The following ROCK2 variants were observed in gnomAD, a reference collection of about 807,000 sequenced individuals.
The protein encoded by ROCK2 is rho-associated protein kinase 2.
A neutral mutation model predicts 195.1 loss-of-function variants in ROCK2; 61 were observed. That is an observed-to-expected ratio of 0.31 (90% confidence interval 0.25 to 0.39). The LOEUF is 0.39. Among genes scored for constraint, ROCK2 ranks in the 10% least tolerant of loss-of-function variants. ROCK2 has a pLI of 1.00. For synonymous variants in ROCK2, 504 were observed against 545.5 expected, an observed-to-expected ratio of 0.92 and a Z score of 1.06; for missense variants, 1,109 against 1,637.4, an observed-to-expected ratio of 0.68 and a Z score of 5.57.
intron 1 of ROCK2, among the ~76,000 whole-genome samples, chr2:11,319,612 C>T (rs1051828674): frequency 3.3e-5 from 5 of 152,086 alleles, no homozygotes; most frequent in African/African-American, 4.8e-5. Context: ...TGCCTGATTG[C>T]CCTGGCCAGA....
rs767849333 is a variant in ROCK2 at position 11,180,267 on chromosome 2, T to G, written c.*3170A>C. 2 of 152,226 alleles carry G rather than the reference T, an allele frequency of 1.3e-5. No individual in the cohort carries two copies. The highest frequency in any genetic ancestry group is 6.5e-5 in the Admixed American group (1 of 15,284). The allele number at this position is 152,226 out of a possible 1,614,324, so 9.4% of individuals were successfully genotyped here. On this transcript the variant is annotated 3_prime_UTR_variant, in exon 33 of 33. Coordinates refer to ENST00000315872, the MANE Select transcript of ROCK2 (RefSeq NM_004850.5). ...CTAGAAGAGAGTAACAGCAGCAGCA[T>G]AACTTCTTAAAACTGTGGTGTGGCA...
At position 11,193,861 on chromosome 2, in the gene ROCK2, T is replaced by C; in HGVS notation, c.3609-4A>G. On this transcript the variant is annotated splice_polypyrimidine_tract_variant and splice_region_variant and intron_variant, in intron 29 of 32. Coordinates refer to ENST00000315872, the MANE Select transcript of ROCK2 (RefSeq NM_004850.5). The stretch of plus-strand genomic sequence containing the variant: ...TGGTCGGACATGAAATAACTTGCTA[T>C]AAAAAATTTTGAATAAAGGAATAAA... The C allele has an allele frequency of 6.4e-7, 1 of 1,564,398 alleles. No individual in the cohort carries two copies. Among genetic ancestry groups the C allele is most frequent in the Non-Finnish European group, 8.8e-7 (1 of 1,141,446 alleles).
chr2:11,223,749 A>T (rs978640070), intron 7 of ROCK2, among the ~76,000 whole-genome samples: 2 of 152,202 alleles, frequency 1.3e-5, no homozygotes, highest in East Asian at 3.9e-4. Flanking sequence ...AAAAAAATGG[A>T]ATGGGGTGAA....
In ROCK2 at chr2:11,211,687, T is replaced by C. The variant is rs1664252625; in HGVS notation, c.2197A>G (p.Met733Val). ...ESIEEAKSEAMKEMEKKLLEE... is the reference protein window; with the variant it reads ...ESIEEAKSEAVKEMEKKLLEE... ...CTCTTTAAAAAATGCATACCTTTCA[T>C]GGCTTCTGATTTGGCTTCTTCGATG... Residue 733 changes from methionine to valine, a missense_variant, in exon 18 of 33, where the codon ATG becomes GTG. This residue lies in a region of ROCK2 where 542 missense variants were observed against 672.0 expected (regional missense o/e 0.81). Transcript: ENST00000315872. 1.2e-6 allele frequency: 2 copies of C among 1,602,586 alleles called. No individual in the cohort carries two copies. Among genetic ancestry groups the C allele is most frequent in the Non-Finnish European group, 1.7e-6 (2 of 1,175,518 alleles).
At chr2:11,286,801 T>G (rs549176192) in intron 2 of ROCK2, among the ~76,000 whole-genome samples, 162 bp from the exon 3 acceptor site, 2 of 152,228 alleles carry the variant, frequency 1.3e-5, no homozygotes, top group Non-Finnish European at 2.9e-5. Flanking sequence ...ACATTAACGT[T>G]AAAGAACCAA....
At chr2:11,298,956 A>G (rs1667621271) in intron 1 of ROCK2, among the ~76,000 whole-genome samples, 1 of 152,118 alleles carries the variant, frequency 6.6e-6, no homozygotes, top group Admixed American at 6.5e-5. Context: ...TAAAAATCTC[A>G]TTTTATATTC....
intron 1 of ROCK2, among the ~76,000 whole-genome samples, chr2:11,325,653 C>G (rs1363988609): frequency 6.6e-6 from 1 of 152,128 alleles, no homozygotes; most frequent in Non-Finnish European, 1.5e-5. Context: ...AAATAATTAG[C>G]AATTTTAACT....
chr2:11,231,207 T>G (rs1057022975), intron 5 of ROCK2, among the ~76,000 whole-genome samples: 16 of 151,208 alleles, frequency 1.1e-4, no homozygotes, highest in African/African-American at 3.9e-4. Context: ...TTCAGGTAAT[T>G]TTTTTTTTCT....
At chr2:11,273,438 C>G (rs1404933184) in intron 3 of ROCK2, among the ~76,000 whole-genome samples, 1 of 151,996 alleles carries the variant, frequency 6.6e-6, no homozygotes, top group East Asian at 1.9e-4. Flanking sequence ...AAAGTTTCAA[C>G]ACAGTAAGAA....
At chr2:11,212,453 C>A (rs1664283184) in intron 17 of ROCK2, among the ~76,000 whole-genome samples, 1 of 152,020 alleles carries the variant, frequency 6.6e-6, no homozygotes, top group Non-Finnish European at 1.5e-5. Flanking sequence ...CTTATTTGAA[C>A]TCACTGCCCC....
At chr2:11,330,230 TA>T (rs1250758844) in intron 1 of ROCK2, among the ~76,000 whole-genome samples, 1 of 152,226 alleles carries the variant, frequency 6.6e-6, no homozygotes, top group African/African-American at 2.4e-5. Flanking sequence ...ATTCAGCAAT[TA>T]TTTGAAAACA....
chr2:11,235,667 A>G lies in ROCK2; in HGVS notation c.723+35T>C, dbSNP rs772503398. 1.3e-6 allele frequency: 2 copies of G among 1,569,296 alleles called. No individual in the cohort carries two copies. Among genetic ancestry groups the G allele is most frequent in the Non-Finnish European group, 1.7e-6 (2 of 1,158,352 alleles). ...AGTATTTCATTTATTTCTGTCCCTC[A>G]AAACACTATCGTTTTAAATAATTTG... On this transcript the variant is annotated intron_variant, in intron 5 of 32. Coordinates refer to ENST00000315872, the MANE Select transcript of ROCK2 (RefSeq NM_004850.5). The surrounding 1 kb of genome is among the most constrained non-coding windows in gnomAD (Gnocchi z 4.2).
intron 3 of ROCK2, among the ~76,000 whole-genome samples, chr2:11,268,672 TTGTA>T (rs988902766): frequency 5.3e-5 from 8 of 152,176 alleles, no homozygotes; most frequent in African/African-American, 1.4e-4. Flanking sequence ...TGAAGATTCT[TTGTA>T]TGTGACAAAT....
chr2:11,208,777 G>A (rs1664148326), intron 18 of ROCK2, among the ~76,000 whole-genome samples: 2 of 151,888 alleles, frequency 1.3e-5, no homozygotes, highest in Admixed American at 1.3e-4. Flanking sequence ...ATTTTTAGTA[G>A]AGATGGGGTT....
intron 1 of ROCK2, among the ~76,000 whole-genome samples, chr2:11,289,196 C>T (rs1667288499): frequency 6.6e-6 from 1 of 152,128 alleles, no homozygotes; most frequent in Non-Finnish European, 1.5e-5. Context: ...AAAAATCCAA[C>T]TTCCAGGTAA....
chr2:11,303,056 G>C (rs151185858), intron 1 of ROCK2, among the ~76,000 whole-genome samples: 1 of 152,138 alleles, frequency 6.6e-6, no homozygotes. Context: ...TACCAAGGCT[G>C]AGTGCTAAGC....
Position 11,183,262 on chromosome 2 carries a change from C to T in ROCK2, c.*175G>A. Reference sequence around the variant, plus strand: ...GTTCAACCTGTTGCTTCAAAGGAGCCCAGATTTGTAATTTATATTACAGGG... The same window carrying T: ...GTTCAACCTGTTGCTTCAAAGGAGCTCAGATTTGTAATTTATATTACAGGG... On this transcript the variant is annotated 3_prime_UTR_variant, in exon 33 of 33. Transcript: ENST00000315872. 1 of 508,212 alleles carries T rather than the reference C, an allele frequency of 2.0e-6. No homozygotes were observed. The highest frequency in any genetic ancestry group is 3.5e-6 in the Non-Finnish European group (1 of 283,614). 31.5% of individuals were successfully genotyped at this position (508,212 alleles called of 1,614,324 possible).
chr2:11,194,586 C>T (rs1476320966), intron 28 of ROCK2, among the ~76,000 whole-genome samples: 1 of 151,802 alleles, frequency 6.6e-6, no homozygotes, highest in Non-Finnish European at 1.5e-5. Context: ...TTGGACTTAG[C>T]TTTGGGATCC....
At chr2:11,342,049 C>T (rs968813842) in intron 1 of ROCK2, among the ~76,000 whole-genome samples, 6 of 151,932 alleles carry the variant, frequency 3.9e-5, no homozygotes, top group African/African-American at 1.5e-4. Flanking sequence ...AAATAAAATA[C>T]GCGTAATTTA....
Sources: gnomAD v4.1 joint callset for allele counts (sites outside exome capture counted in the v4.1 genomes callset) on GRCh38, gnomAD v4.1.1 for gene constraint, gnomAD v4.1.1 regional missense constraint, Gnocchi (gnomAD v3.1) non-coding constraint, MANE v1.5 for transcripts, NCBI Gene and HGNC (gene_info 2026-07-23, HGNC 2026-07-21) for gene names.